CACNA2D3: variants seen among roughly 807,000 people sequenced by gnomAD.
The protein encoded by CACNA2D3 is voltage-dependent calcium channel subunit alpha-2/delta-3.
Under a neutral mutation model 160.6 loss-of-function variants are expected in CACNA2D3, and 60 were observed. The observed-to-expected ratio is 0.37, with a 90% CI of 0.30 to 0.46. The LOEUF is 0.46. Among genes scored for constraint, CACNA2D3 ranks in the 20% least tolerant of loss-of-function variants. The pLI, the probability that CACNA2D3 is intolerant of heterozygous loss-of-function variation, is 1.00. For synonymous variants in CACNA2D3, 558 were observed against 492.9 expected (o/e 1.13, Z -1.75); for missense variants, 1,205 against 1,365.0 (o/e 0.88, Z 1.85).
At chr3:54,710,693 A>G (rs1700937387) in intron 11 of CACNA2D3, among the ~76,000 whole-genome samples, 1 of 152,212 alleles carries the variant, frequency 6.6e-6, no homozygotes, top group Admixed American at 6.5e-5. Flanking sequence ...GATTTCATTT[A>G]GACCAGAGGC....
At chr3:54,626,684 C>CAAAAAAAAAAAAAAAA (rs71096430) in intron 9 of CACNA2D3, 25 of 318,238 alleles carry the variant, frequency 7.9e-5, no homozygotes, top group African/African-American at 4.6e-4. Context: ...TGGTTCCAGT[C>CAAAAAAAAAAAAAAAA]AAAAAAAAAA....
chr3:54,898,117 C>A (rs1310738202), intron 26 of CACNA2D3, among the ~76,000 whole-genome samples: 1 of 149,418 alleles, frequency 6.7e-6, no homozygotes, highest in Non-Finnish European at 1.5e-5. Context: ...TTTCTTTTTT[C>A]TTTCTTTCTT....
chr3:54,122,655 G>T lies in CACNA2D3; in HGVS notation c.-59G>T. 2.0e-6 allele frequency: 2 copies of T among 996,472 alleles called. No individual in the cohort carries two copies. The highest frequency in any genetic ancestry group is 1.2e-6 in the Non-Finnish European group (1 of 839,124). The allele number at this position is 996,472 out of a possible 1,614,324, so 61.7% of individuals were successfully genotyped here. A position where few individuals can be genotyped will look rare whatever the true frequency, so the allele number is the denominator to read the frequency against. Reference sequence around the variant, plus strand: ...CGCGCTCGCCCACCGCCCGCTCCGCGCAGCTCCCCGCGGCCGCTCTCGTCG... The same window carrying T: ...CGCGCTCGCCCACCGCCCGCTCCGCTCAGCTCCCCGCGGCCGCTCTCGTCG... On this transcript the variant is annotated 5_prime_UTR_variant, in exon 1 of 38. Transcript: ENST00000474759.
intron 18 of CACNA2D3, among the ~76,000 whole-genome samples, chr3:54,873,842 T>C (rs1420986306): frequency 6.6e-6 from 1 of 152,226 alleles, no homozygotes; most frequent in Non-Finnish European, 1.5e-5. Context: ...CCACCATTTC[T>C]CTCCTGGGGA....
chr3:55,020,716 T>G (rs1198300943), intron 35 of CACNA2D3, among the ~76,000 whole-genome samples: 1 of 151,948 alleles, frequency 6.6e-6, no homozygotes, highest in Non-Finnish European at 1.5e-5. Flanking sequence ...CCAGGCATGG[T>G]GGCGGGCACC....
At position 54,859,972 on chromosome 3, in the gene CACNA2D3, G is replaced by GCGCGCACACACACA. The variant is rs535185040; in HGVS notation, c.1627-11566_1627-11565insGCGCACACACACAC. The stretch of plus-strand genomic sequence containing the variant: ...TTAGAACATCATCTGGAAAGTAGAT[G>GCGCGCACACACACA]CACACACACACACACACACACACAC... On this transcript the variant is annotated intron_variant, in intron 17 of 37. Transcript: ENST00000474759. Among the ~76,000 whole-genome samples the GCGCGCACACACACA allele has an allele frequency of 5.2e-3, 690 of 133,874 alleles. 10 individuals are homozygous for GCGCGCACACACACA. The highest frequency in any genetic ancestry group is 0.021 in the East Asian group (93 of 4,500). The allele number at this position is 133,874 out of a possible 152,430, so 87.8% of individuals were successfully genotyped here. A position where few individuals can be genotyped will look rare whatever the true frequency, so the allele number is the denominator to read the frequency against.
chr3:54,546,249 C>T (rs1015440875), intron 5 of CACNA2D3, among the ~76,000 whole-genome samples: 4 of 152,162 alleles, frequency 2.6e-5, no homozygotes, highest in African/African-American at 9.7e-5. Flanking sequence ...GGTGAAGCCA[C>T]GGGCAATGTC....
intron 31 of CACNA2D3, among the ~76,000 whole-genome samples, chr3:55,000,781 A>T (rs1232870712): frequency 6.6e-6 from 1 of 152,086 alleles, no homozygotes; most frequent in Non-Finnish European, 1.5e-5. Flanking sequence ...TCAGCCCTTC[A>T]GCTTGGGTTG....
chr3:54,402,565 G>A (rs1367218478), intron 4 of CACNA2D3, among the ~76,000 whole-genome samples: 1 of 152,058 alleles, frequency 6.6e-6, no homozygotes, highest in Non-Finnish European at 1.5e-5. Context: ...ATGATAAAGG[G>A]CTCAATTCAT....
chr3:54,981,660 G>A (rs1025638574), intron 29 of CACNA2D3, among the ~76,000 whole-genome samples: 6 of 152,198 alleles, frequency 3.9e-5, no homozygotes, highest in Admixed American at 1.3e-4. Context: ...TAGTGACCGG[G>A]CTGGCTGGAC....
chr3:55,056,938 A>G (rs996775222), intron 35 of CACNA2D3, among the ~76,000 whole-genome samples: 1 of 152,216 alleles, frequency 6.6e-6, no homozygotes, highest in Non-Finnish European at 1.5e-5. Context: ...AAACTGCTAC[A>G]AGAATAAATC....
chr3:54,973,813 A>G (rs956823253), intron 29 of CACNA2D3, among the ~76,000 whole-genome samples: 3 of 152,350 alleles, frequency 2.0e-5, no homozygotes, highest in Middle Eastern at 6.8e-3. Flanking sequence ...TAATGCAAAG[A>G]TAGAGCAAAT....
intron 9 of CACNA2D3, among the ~76,000 whole-genome samples, chr3:54,624,988 A>G (rs61348163): frequency 0.059 from 8,964 of 152,260 alleles, 846 homozygotes; most frequent in African/African-American, 0.2. Flanking sequence ...GACTCGGTTA[A>G]TTGCCTGGAT....
chr3:55,011,517 A>G (rs1703211556), intron 34 of CACNA2D3, among the ~76,000 whole-genome samples: 1 of 152,244 alleles, frequency 6.6e-6, no homozygotes, highest in African/African-American at 2.4e-5. Context: ...ATTACAACCC[A>G]TCCACAGAAA....
chr3:54,817,007 C>A, intron 14 of CACNA2D3, 137 bp downstream of exon 14: 1 of 1,041,650 alleles, frequency 9.6e-7, no homozygotes, highest in Non-Finnish European at 1.4e-6. Context: ...TGAAGTTGGG[C>A]AGGAACAGAG....
At chr3:54,344,135 T>A (rs1698413714) in intron 3 of CACNA2D3, among the ~76,000 whole-genome samples, 1 of 152,180 alleles carries the variant, frequency 6.6e-6, no homozygotes, top group South Asian at 2.1e-4. Flanking sequence ...CTACTTATTA[T>A]TAGGGACTAA....
chr3:54,154,767 A>G (rs1202541420), intron 2 of CACNA2D3, among the ~76,000 whole-genome samples: 1 of 152,054 alleles, frequency 6.6e-6, no homozygotes, highest in African/African-American at 2.4e-5. Flanking sequence ...TAAAAAATCC[A>G]CGATCTTGTT....
At chr3:54,701,197 C>A (rs1700761338) in intron 11 of CACNA2D3, among the ~76,000 whole-genome samples, 1 of 152,120 alleles carries the variant, frequency 6.6e-6, no homozygotes. Context: ...TTTATTTCTA[C>A]CAACTAAGAT....
chr3:54,782,139 A>G (rs986122014), intron 13 of CACNA2D3, among the ~76,000 whole-genome samples: 1 of 152,218 alleles, frequency 6.6e-6, no homozygotes, highest in African/African-American at 2.4e-5. Flanking sequence ...TACCCATAGC[A>G]CATGCAACCA....
Sources: gnomAD v4.1 joint callset for allele counts (sites outside exome capture counted in the v4.1 genomes callset) on GRCh38, gnomAD v4.1.1 for gene constraint, MANE v1.5 for transcripts, NCBI Gene and HGNC (gene_info 2026-07-23, HGNC 2026-07-21) for gene names.